PRTG: variants seen among roughly 807,000 people sequenced by gnomAD.
PRTG encodes the protein immunoglobulin superfamily, DCC subclass, member 5.
In PRTG, 67 loss-of-function variants were observed where a neutral mutation model predicts 122.5. The observed-to-expected ratio is 0.55, with a 90% confidence interval of 0.45 to 0.67. PRTG has a LOEUF of 0.67. PRTG is among the 30% of genes least tolerant of loss of function. The pLI, the probability that PRTG is intolerant of heterozygous loss-of-function variation, is 0.00. For synonymous variants in PRTG, 554 were observed against 501.1 expected (o/e 1.11, Z -1.41); for missense variants, 1,435 against 1,415.4 (o/e 1.01, Z -0.22).
intron 2 of PRTG, among the ~76,000 whole-genome samples, chr15:55,719,498 T>TG (rs1462425073): frequency 1.3e-5 from 2 of 152,156 alleles, no homozygotes; most frequent in Non-Finnish European, 2.9e-5. Flanking sequence ...TTAAAGAACA[T>TG]GTGCTCCAAG....
chr15:55,708,995 CATT>C (rs1382608929), intron 2 of PRTG, among the ~76,000 whole-genome samples: 1 of 151,146 alleles, frequency 6.6e-6, no homozygotes, highest in Non-Finnish European at 1.5e-5. Flanking sequence ...AAATACAAAA[CATT>C]AGCTTGGTGT....
At chr15:55,741,297 AAAC>A (rs528682430) in intron 1 of PRTG, among the ~76,000 whole-genome samples, 36 of 152,366 alleles carry the variant, frequency 2.4e-4, no homozygotes, top group Non-Finnish European at 5.0e-4. Context: ...TTTAAAAGAC[AAAC>A]AATAGACTTT....
intron 2 of PRTG, among the ~76,000 whole-genome samples, chr15:55,731,892 C>T (rs115611871): frequency 6.6e-6 from 1 of 152,136 alleles, no homozygotes; most frequent in Non-Finnish European, 1.5e-5. Context: ...AGAAACACAT[C>T]GTTAGGTGAT....
intron 11 of PRTG, among the ~76,000 whole-genome samples, chr15:55,650,771 C>T (rs529768648): frequency 1.3e-5 from 2 of 152,174 alleles, no homozygotes; most frequent in African/African-American, 4.8e-5. Context: ...TCAAGACCAA[C>T]CCGGGCAACA....
intron 2 of PRTG, among the ~76,000 whole-genome samples, chr15:55,705,933 C>T (rs1409405564): frequency 6.7e-6 from 1 of 149,692 alleles, no homozygotes; most frequent in African/African-American, 2.4e-5. Context: ...CTGCAACCTC[C>T]ACCTCCTGGG....
intron 11 of PRTG, among the ~76,000 whole-genome samples, chr15:55,670,261 A>C (rs2059461947): frequency 6.6e-6 from 1 of 152,134 alleles, no homozygotes. Flanking sequence ...TTTTCTAATA[A>C]ATTAGTCACC....
chr15:55,647,059 C>A (rs553085760), intron 11 of PRTG, among the ~76,000 whole-genome samples: 5 of 152,064 alleles, frequency 3.3e-5, no homozygotes, highest in Admixed American at 6.5e-5. Flanking sequence ...TTTGGGAGGC[C>A]GAGGCAGGTG....
At chr15:55,652,418 T>C (rs562026868) in intron 11 of PRTG, among the ~76,000 whole-genome samples, 1 of 152,376 alleles carries the variant, frequency 6.6e-6, no homozygotes, top group African/African-American at 2.4e-5. Context: ...TCTTTTGTGC[T>C]ACAAGGTTTT....
chr15:55,690,961 A>G (rs1348570745), intron 2 of PRTG, among the ~76,000 whole-genome samples: 1 of 152,184 alleles, frequency 6.6e-6, no homozygotes, highest in Admixed American at 6.5e-5. Context: ...TCAACTTCCA[A>G]GACCCTTATG....
At chr15:55,734,609 T>C (rs1201353585) in intron 2 of PRTG, among the ~76,000 whole-genome samples, 1 of 151,338 alleles carries the variant, frequency 6.6e-6, no homozygotes, top group African/African-American at 2.4e-5. Flanking sequence ...ATAACATATA[T>C]ATGTATTATA....
chr15:55,687,809 G>A (rs1453650347), intron 2 of PRTG, among the ~76,000 whole-genome samples: 5 of 152,022 alleles, frequency 3.3e-5, no homozygotes, highest in Admixed American at 6.6e-5. Context: ...AAATAGTTTC[G>A]TGGAGAAAAT....
At chr15:55,632,829 T>C (rs948837536) in intron 15 of PRTG, among the ~76,000 whole-genome samples, 5 of 152,242 alleles carry the variant, frequency 3.3e-5, no homozygotes, top group South Asian at 2.1e-4. Context: ...CAAGCTCCAG[T>C]GGAGGTAGGG....
Position 55,647,778 on chromosome 15 carries a change from T to C in PRTG, c.2042-6570A>G, listed in dbSNP as rs75603792. 4.8e-3 allele frequency among the ~76,000 whole-genome samples: 733 copies of C among 152,338 alleles called. 11 individuals carry two copies. Among genetic ancestry groups the C allele is most frequent in the African/African-American group, 0.017 (713 of 41,580 alleles). On this transcript the variant is annotated intron_variant, in intron 11 of 19. Coordinates refer to ENST00000389286, the MANE Select transcript of PRTG (RefSeq NM_173814.6). The stretch of plus-strand genomic sequence containing the variant: ...AGCTTATGAATATCAAAGATCTCTG[T>C]TCGTTCATACAAACAAGATCTAGAG...
chr15:55,620,284 A>T lies in PRTG; in HGVS notation c.3199-18T>A. On this transcript the variant is annotated intron_variant, in intron 19 of 19. Transcript: ENST00000389286. Reference sequence around the variant, plus strand: ...CTTTGAGGCTAGGCAAAAAAAGATAAGATGGCAATGAGATACCAGACTGAT... The same window carrying T: ...CTTTGAGGCTAGGCAAAAAAAGATATGATGGCAATGAGATACCAGACTGAT... The T allele has an allele frequency of 6.2e-7, 1 of 1,612,710 alleles. No homozygotes were observed. Among genetic ancestry groups the T allele is most frequent in the Non-Finnish European group, 8.5e-7 (1 of 1,179,346 alleles).
intron 2 of PRTG, among the ~76,000 whole-genome samples, chr15:55,737,997 TC>T (rs2031470720): frequency 4.7e-5 from 3 of 64,446 alleles, no homozygotes; most frequent in African/African-American, 4.9e-5. Context: ...TCTCTCTCTC[TC>T]TCTCTATATA....
In PRTG at chr15:55,615,941, G is replaced by A. The variant is rs748383755; in HGVS notation, c.*4071C>T. The A allele has an allele frequency of 1.3e-5, 2 of 152,068 alleles. No individual in the cohort carries two copies. The highest frequency in any genetic ancestry group is 2.9e-5 in the Non-Finnish European group (2 of 67,994). 9.4% of individuals were successfully genotyped at this position (152,068 alleles called of 1,614,324 possible). A position where few individuals can be genotyped will look rare whatever the true frequency, so the allele number is the denominator to read the frequency against. Reference sequence around the variant, plus strand: ...ACAATGATCCTGGGTTGTCAACCACGAGCACATTTCTGGCAGAAGTCCTTA... The same window carrying A: ...ACAATGATCCTGGGTTGTCAACCACAAGCACATTTCTGGCAGAAGTCCTTA... On this transcript the variant is annotated 3_prime_UTR_variant, in exon 20 of 20. Transcript: ENST00000389286.
At chr15:55,637,868 G>A (rs2059266555) in intron 14 of PRTG, among the ~76,000 whole-genome samples, 1 of 152,056 alleles carries the variant, frequency 6.6e-6, no homozygotes, top group South Asian at 2.1e-4. Context: ...AATTTAAGTT[G>A]ACTCCATGTT....
intron 2 of PRTG, among the ~76,000 whole-genome samples, chr15:55,734,545 A>G (rs1212020298): frequency 1.3e-5 from 2 of 151,908 alleles, no homozygotes; most frequent in African/African-American, 2.4e-5. Context: ...ACATTCTCTA[A>G]CAGTTATTCA....
At chr15:55,700,726 A>C (rs955482365) in intron 2 of PRTG, among the ~76,000 whole-genome samples, 11 of 152,120 alleles carry the variant, frequency 7.2e-5, no homozygotes, top group Non-Finnish European at 1.5e-4. Flanking sequence ...GGCTGTACTG[A>C]GCCTGGATCG....
Sources: gnomAD v4.1 joint callset for allele counts (sites outside exome capture counted in the v4.1 genomes callset) on GRCh38, gnomAD v4.1.1 for gene constraint, MANE v1.5 for transcripts, NCBI Gene and HGNC (gene_info 2026-07-23, HGNC 2026-07-21) for gene names.